The following KIF16B variants were observed in gnomAD, a reference collection of about 807,000 sequenced individuals.
KIF16B encodes kinesin-like protein KIF16B.
In KIF16B, 98 loss-of-function variants were observed where a neutral mutation model predicts 156.3. That is an observed-to-expected ratio of 0.63 (90% CI 0.53 to 0.74). KIF16B has a LOEUF of 0.74. Ranked by LOEUF, KIF16B falls within the 30% of genes least tolerant of loss-of-function variation. The pLI, the probability that KIF16B is intolerant of heterozygous loss-of-function variation, is 0.00. For missense variants in KIF16B, 1,421 were observed against 1,606.5 expected (o/e 0.88, Z 1.97); for synonymous variants, 564 against 583.7 (o/e 0.97, Z 0.49).
At chr20:16,473,338 ATTTC>A (rs950046264) in intron 12 of KIF16B, among the ~76,000 whole-genome samples, 1 of 152,158 alleles carries the variant, frequency 6.6e-6, no homozygotes, top group Non-Finnish European at 1.5e-5. Context: ...TTGAGAAAGG[ATTTC>A]TTTTTCTCTC....
intron 15 of KIF16B, among the ~76,000 whole-genome samples, chr20:16,419,434 G>A (rs796199663): frequency 9.2e-5 from 14 of 152,136 alleles, no homozygotes; most frequent in African/African-American, 2.9e-4. Flanking sequence ...ATTTGTCAGC[G>A]AACAACTCAC....
intron 15 of KIF16B, among the ~76,000 whole-genome samples, chr20:16,417,124 C>T (rs780337354): frequency 2.0e-5 from 3 of 152,158 alleles, no homozygotes; most frequent in East Asian, 1.9e-4. Context: ...AGGGAAGACC[C>T]GAGGGAGGCA....
chr20:16,497,680 T>C lies in KIF16B; in HGVS notation c.1177-2A>G. The C allele has an allele frequency of 1.3e-6, 2 of 1,599,892 alleles. No homozygotes were observed. Among genetic ancestry groups the C allele is most frequent in the Non-Finnish European group, 1.7e-6 (2 of 1,168,410 alleles). On this transcript the variant is annotated splice_acceptor_variant, in intron 10 of 25. Transcript: ENST00000354981. LOFTEE classifies it high-confidence loss of function. ...TGTGGGGGAGTCTAAGAGGGCAATC[T>C]ACAATATAAACCATAAAAGAAATCA...
Position 16,287,482 on chromosome 20 carries a change from G to A in KIF16B, c.3796-14071C>T, listed in dbSNP as rs2063240852. 3.3e-5 allele frequency among the ~76,000 whole-genome samples: 5 copies of A among 152,218 alleles called. No individual in the cohort carries two copies. In the South Asian group the frequency reaches 8.3e-4, roughly 25 times the overall value. On this transcript the variant is annotated intron_variant, in intron 25 of 25. Transcript: ENST00000354981. The stretch of plus-strand genomic sequence containing the variant: ...TTACAGAATCAGAACTATTCATTAC[G>A]GCTATTCAGAGAATCTTCTTTATGA...
At chr20:16,434,829 TAG>T (rs762634027) in intron 12 of KIF16B, among the ~76,000 whole-genome samples, 15 of 152,138 alleles carry the variant, frequency 9.9e-5, no homozygotes, top group Non-Finnish European at 1.9e-4. Context: ...TAGAATTTTG[TAG>T]AGTTGACTCA....
intron 1 of KIF16B, among the ~76,000 whole-genome samples, chr20:16,530,939 A>C (rs935352347): frequency 6.0e-4 from 92 of 152,150 alleles, no homozygotes; most frequent in African/African-American, 1.9e-3. Flanking sequence ...GAGCTCAAGC[A>C]ATCCACCCGC....
intron 17 of KIF16B, among the ~76,000 whole-genome samples, chr20:16,383,266 C>A (rs1403491180): frequency 6.6e-6 from 1 of 152,150 alleles, no homozygotes; most frequent in Non-Finnish European, 1.5e-5. Context: ...ATTTTACACA[C>A]AAGGAATCCA....
chr20:16,323,316 T>C (rs2122811824), intron 24 of KIF16B, among the ~76,000 whole-genome samples: 1 of 152,140 alleles, frequency 6.6e-6, no homozygotes, highest in South Asian at 2.1e-4. Context: ...AACTAGCAGC[T>C]TTTGAAACAT....
chr20:16,514,582 GAAAAAAAAAAAA>G (rs540602451), intron 4 of KIF16B, among the ~76,000 whole-genome samples: 6 of 76,914 alleles, frequency 7.8e-5, no homozygotes, highest in African/African-American at 2.8e-4. Context: ...TAAGAAATAA[GAAAAAAAAAAAA>G]AAAAAAAAAA....
chr20:16,295,762 C>A (rs1224803932), intron 25 of KIF16B, among the ~76,000 whole-genome samples: 1 of 152,072 alleles, frequency 6.6e-6, no homozygotes, highest in East Asian at 1.9e-4. Context: ...GAGGAGTGTA[C>A]TGAAGAAGAG....
At chr20:16,311,427 G>T (rs2063618343) in intron 25 of KIF16B, among the ~76,000 whole-genome samples, 1 of 152,230 alleles carries the variant, frequency 6.6e-6, no homozygotes, top group Admixed American at 6.5e-5. Context: ...GGTGGAGGTT[G>T]CAGTGAGCTG....
chr20:16,569,064 G>C (rs1435282942), intron 1 of KIF16B, among the ~76,000 whole-genome samples: 3 of 152,056 alleles, frequency 2.0e-5, no homozygotes, highest in Non-Finnish European at 2.9e-5. Flanking sequence ...GCCCAAGGGA[G>C]TCTGTTTGCT....
chr20:16,427,107 G>A lies in KIF16B; in HGVS notation c.1609C>T (p.Gln537Ter). The change falls in exon 15 of 26, where the codon CAA (glutamine) becomes TAA (stop). Residue 537 changes from glutamine to a stop codon, truncating the protein, a stop_gained. Coordinates refer to ENST00000354981, the MANE Select transcript of KIF16B (RefSeq NM_024704.5). LOFTEE classifies it high-confidence loss of function. The stretch of plus-strand genomic sequence containing the variant: ...TGTGAAAATTAAAACCAGATACCTT[G>A]ATTTAGATGTGTGGCCTCCACGATC... ...VQIVEATHLN[Q>*]GAVILLGRTN... The A allele has an allele frequency of 6.2e-7, 1 of 1,600,150 alleles. No individual in the cohort carries two copies. Among genetic ancestry groups the A allele is most frequent in the Non-Finnish European group, 8.5e-7 (1 of 1,174,500 alleles).
chr20:16,351,195 C>G (rs1193754076), intron 23 of KIF16B, among the ~76,000 whole-genome samples: 2 of 152,072 alleles, frequency 1.3e-5, no homozygotes, highest in African/African-American at 4.8e-5. Flanking sequence ...AATAAACACA[C>G]CAGTGTTGGC....
chr20:16,333,920 T>C (rs1332482422), intron 24 of KIF16B, among the ~76,000 whole-genome samples: 2 of 152,218 alleles, frequency 1.3e-5, no homozygotes, highest in South Asian at 4.1e-4. Flanking sequence ...ATATAAGGCA[T>C]GTAACTCACT....
intron 12 of KIF16B, among the ~76,000 whole-genome samples, chr20:16,466,807 G>A (rs993024560): frequency 1.3e-5 from 2 of 152,154 alleles, no homozygotes; most frequent in Non-Finnish European, 2.9e-5. Context: ...TACCAGGGTA[G>A]GAAAACCTAA....
Position 16,335,826 on chromosome 20 carries a change from AAGAG to A in KIF16B, c.3711+96_3711+99del, listed in dbSNP as rs1302525983. The A allele has an allele frequency of 4.3e-6, 3 of 704,248 alleles. No individual in the cohort carries two copies. In the African/African-American group the frequency reaches 5.3e-5, roughly 13 times the overall value. The allele number at this position is 704,248 out of a possible 1,614,324, so 43.6% of individuals were successfully genotyped here. A position where few individuals can be genotyped will look rare whatever the true frequency, so the allele number is the denominator to read the frequency against. ...GTGACACTAATAAGCTAGTATCTGA[AAGAG>A]AGAGACAGAGAGAGAGATAACATTG... is the stretch of plus-strand genomic sequence containing the variant. On this transcript the variant is annotated intron_variant, in intron 24 of 25. Coordinates refer to ENST00000354981, the MANE Select transcript of KIF16B (RefSeq NM_024704.5).
intron 24 of KIF16B, among the ~76,000 whole-genome samples, chr20:16,326,975 T>A (rs796666555): frequency 2.0e-5 from 3 of 150,328 alleles, no homozygotes; most frequent in South Asian, 4.2e-4. Context: ...TATATATATA[T>A]AACATATATA....
intron 1 of KIF16B, among the ~76,000 whole-genome samples, chr20:16,564,501 G>A (rs185149018): frequency 5.3e-5 from 8 of 152,100 alleles, no homozygotes; most frequent in East Asian, 1.9e-4. Context: ...ATCACACACC[G>A]GGGCCTGTTG....
Sources: allele counts gnomAD v4.1 joint callset (sites outside exome capture counted in the v4.1 genomes callset), GRCh38; gene constraint gnomAD v4.1.1; transcripts MANE v1.5; gene names NCBI Gene and HGNC (gene_info 2026-07-23, HGNC 2026-07-21).